The following SATL1 variants were observed in gnomAD, a reference collection of about 807,000 sequenced individuals.
The protein encoded by SATL1 is spermidine/spermine N(1)-acetyltransferase-like protein 1.
A neutral mutation model predicts 51.8 loss-of-function variants in SATL1; 47 were observed. The ratio of observed to expected loss-of-function variants is 0.91; its 90% CI spans 0.72 to 1.16. The LOEUF is 1.16. Among genes scored for constraint, SATL1 ranks in the 50% most tolerant of loss-of-function variants. SATL1 has a pLI of 0.00. For synonymous variants in SATL1, 176 were observed against 182.4 expected (o/e 0.97, Z 0.28); for missense variants, 520 against 526.4 (o/e 0.99, Z 0.12).
chrX:85,240,934 T>C (rs1928579535), intron 1 of SATL1, among the ~76,000 whole-genome samples: 1 of 110,855 alleles, frequency 9.0e-6, no homozygotes, highest in South Asian at 3.9e-4. Context: ...TCCTGTGTAC[T>C]TTTGACATTA....
At position 85,107,895 on chromosome X, in the gene SATL1, T is replaced by C. The variant is rs1408988212; in HGVS notation, c.1074A>G (p.Gln358=). 2 of 1,209,499 alleles carry C rather than the reference T, an allele frequency of 1.7e-6. No individual in the cohort carries two copies. Among genetic ancestry groups the C allele is most frequent in the Admixed American group, 2.2e-5 (1 of 45,662 alleles). The change falls in exon 3 of 8, where the codon CAA becomes CAG. Residue 358 remains glutamine (Q), a synonymous_variant. Transcript: ENST00000644105. ...TCGTGCTTGATTGTCTGGGGCCTGA[T>C]TGGCTTGGGGCTCGTTGCGGTGGAC... ...QPGPPQRAPS[Q]SGPRQSSTSQ... is the part of the protein sequence containing the mutation.
chrX:85,131,343 C>T (rs1476534491), intron 2 of SATL1, among the ~76,000 whole-genome samples: 2 of 111,825 alleles, frequency 1.8e-5, no homozygotes, highest in African/African-American at 6.5e-5. Context: ...GTATTGGGTA[C>T]ATATATATTT....
At chrX:85,117,127 C>G (rs941432026) in intron 2 of SATL1, among the ~76,000 whole-genome samples, 1 of 111,860 alleles carries the variant, frequency 8.9e-6, no homozygotes, top group Non-Finnish European at 1.9e-5. Flanking sequence ...CACAAGGCCC[C>G]AGAAGTATGC....
intron 2 of SATL1, among the ~76,000 whole-genome samples, chrX:85,215,705 T>G (rs775534636): frequency 4.5e-4 from 51 of 112,377 alleles, no homozygotes; most frequent in Non-Finnish European, 8.3e-4. Context: ...CTTTCTCCAG[T>G]TACCATTAAG....
At chrX:85,133,628 C>G (rs1427413414) in intron 2 of SATL1, among the ~76,000 whole-genome samples, 1 of 111,959 alleles carries the variant, frequency 8.9e-6, no homozygotes, top group Non-Finnish European at 1.9e-5. Context: ...ATGCCCCACC[C>G]TGCTTCATCT....
At chrX:85,206,354 T>C (rs760239218) in intron 2 of SATL1, among the ~76,000 whole-genome samples, 1 of 111,081 alleles carries the variant, frequency 9.0e-6, no homozygotes, top group Non-Finnish European at 1.9e-5. Flanking sequence ...AGTAGCTGGG[T>C]TGGTAAAAGG....
intron 2 of SATL1, chrX:85,210,496 C>T (rs1000816424): frequency 9.2e-6 from 1 of 108,527 alleles, no homozygotes; most frequent in Non-Finnish European, 1.9e-5. Flanking sequence ...AACACATCCA[C>T]ACTGCTGAAG....
At chrX:85,188,113 A>C (rs1465340918) in intron 2 of SATL1, among the ~76,000 whole-genome samples, 1 of 111,665 alleles carries the variant, frequency 9.0e-6, no homozygotes, top group Non-Finnish European at 1.9e-5. Context: ...TTTGCAAATA[A>C]ATTTTTACCT....
intron 3 of SATL1, 31 bp from the exon 4 acceptor site, chrX:85,103,946 G>A (rs374872808): frequency 3.0e-5 from 31 of 1,046,735 alleles, no homozygotes; most frequent in Non-Finnish European, 4.0e-5. Flanking sequence ...TTCAGTTTAT[G>A]ATTTAGCAAT....
At chrX:85,195,797 A>AAAT (rs749934419) in intron 2 of SATL1, among the ~76,000 whole-genome samples, 1,778 of 109,100 alleles carry the variant, frequency 0.016, 11 homozygotes, top group Non-Finnish European at 0.019. Flanking sequence ...ACTCCGTCTT[A>AAAT]AATAATAATA....
intron 2 of SATL1, among the ~76,000 whole-genome samples, chrX:85,148,913 A>C (rs1323831302): frequency 9.0e-6 from 1 of 110,994 alleles, no homozygotes; most frequent in Non-Finnish European, 1.9e-5. Flanking sequence ...TCAACTAACG[A>C]GCAAAATAAC....
At position 85,107,847 on chromosome X, in the gene SATL1, T is replaced by G. The variant is rs748136511; in HGVS notation, c.1122A>C (p.Ser374=). The change falls in exon 3 of 8, where the codon TCA becomes TCC. Residue 374 remains serine (S), a synonymous_variant. Coordinates refer to ENST00000644105, the MANE Select transcript of SATL1 (RefSeq NM_001367857.2). ...SSTSQAGTNQ[S]GISQPVMWQL... is the part of the protein sequence containing the mutation. ...GCCACATCACTGGTTGGCTTATACC[T>G]GATTGGTTTGTGCCTGCTTGGCTCG... The G allele has an allele frequency of 3.9e-5, 47 of 1,211,725 alleles. No homozygotes were observed. Among genetic ancestry groups the G allele is most frequent in the Non-Finnish European group, 5.1e-5 (46 of 895,532 alleles).
chrX:85,212,929 T>C (rs963956884), intron 2 of SATL1: 9 of 111,640 alleles, frequency 8.1e-5, no homozygotes, highest in Admixed American at 5.7e-4. Flanking sequence ...TATGATAGAA[T>C]TAGACAAATT....
chrX:85,169,424 A>C lies in SATL1; in HGVS notation c.-313+54781T>G, dbSNP rs1034016651. Among the ~76,000 whole-genome samples the C allele has an allele frequency of 2.8e-5, 3 of 106,586 alleles. No individual in the cohort carries two copies. In the East Asian group the frequency reaches 8.5e-4, roughly 30 times the overall value. 92.6% of individuals were successfully genotyped at this position (106,586 alleles called of 115,157 possible). A position where few individuals can be genotyped will look rare whatever the true frequency, so the allele number is the denominator to read the frequency against. The stretch of plus-strand genomic sequence containing the variant: ...TAAGGAACTTTAACAAATTTACAAG[A>C]AAAAAAAACAAGCAATCCCATTAAA... On this transcript the variant is annotated intron_variant, in intron 2 of 7. Transcript: ENST00000644105.
chrX:85,147,771 T>C (rs1473997421), intron 2 of SATL1, among the ~76,000 whole-genome samples: 1 of 111,870 alleles, frequency 8.9e-6, no homozygotes, highest in Non-Finnish European at 1.9e-5. Context: ...TCCTGTCTGT[T>C]AGAAGGGAAA....
At chrX:85,203,881 T>C (rs1432198954) in intron 2 of SATL1, among the ~76,000 whole-genome samples, 1 of 112,537 alleles carries the variant, frequency 8.9e-6, no homozygotes, top group East Asian at 2.8e-4. Flanking sequence ...GTGAGGCTTG[T>C]GGGCTGTTGC....
intron 2 of SATL1, among the ~76,000 whole-genome samples, chrX:85,144,255 G>C (rs1602864854): frequency 8.9e-6 from 1 of 111,915 alleles, no homozygotes; most frequent in African/African-American, 3.2e-5. Context: ...CCTAAAAACT[G>C]TGTTATATTT....
At chrX:85,133,411 T>C (rs61436756) in intron 2 of SATL1, among the ~76,000 whole-genome samples, 16,810 of 110,898 alleles carry the variant, frequency 0.15, 1,387 homozygotes, top group African/African-American at 0.31. Flanking sequence ...AGTTCGATCT[T>C]GGACTAGCAG....
intron 1 of SATL1, among the ~76,000 whole-genome samples, chrX:85,232,914 C>G (rs932159281): frequency 3.6e-5 from 4 of 111,231 alleles, no homozygotes; most frequent in Non-Finnish European, 5.7e-5. Context: ...TTCACAACAT[C>G]CAGATTGTAG....
Sources: allele counts gnomAD v4.1 joint callset (sites outside exome capture counted in the v4.1 genomes callset), GRCh38; gene constraint gnomAD v4.1.1; transcripts MANE v1.5; gene names NCBI Gene and HGNC (gene_info 2026-07-23, HGNC 2026-07-21).